The following PIGX variants were observed in gnomAD, a reference collection of about 807,000 sequenced individuals.
The protein encoded by PIGX is phosphatidylinositol glycan anchor biosynthesis class X.
A neutral mutation model predicts 28.7 loss-of-function variants in PIGX; 24 were observed. The ratio of observed to expected loss-of-function variants is 0.84; its 90% CI spans 0.60 to 1.17. The LOEUF (loss-of-function observed/expected upper bound fraction) is 1.17, where lower values mean the gene tolerates loss of function less well. PIGX is among the 50% of genes most tolerant of loss of function. The probability of loss-of-function intolerance (pLI) is 0.00; values close to 1 mark genes in which losing one functional copy is unlikely to be tolerated. For missense variants in PIGX, 305 were observed against 317.8 expected (o/e 0.96, Z 0.31); for synonymous variants, 127 against 121.0 (o/e 1.05, Z -0.33).
intron 3 of PIGX, among the ~76,000 whole-genome samples, chr3:196,723,185 A>G (rs550613847): frequency 6.6e-6 from 1 of 152,314 alleles, no homozygotes; most frequent in East Asian, 1.9e-4. Context: ...CTACAAAAAT[A>G]CAAAAATTAG....
Position 196,728,024 on chromosome 3 carries a change from C to A in PIGX, c.420C>A (p.Asp140Glu). ...CCAGACGAGATTCACAGTGCATTGA[C>A]TGTTTTCAAGCCTTTTTGCCTGTGC... Residue 140 changes from aspartate to glutamate, a missense_variant, in exon 4 of 6, where the codon GAC (aspartate) becomes GAA (glutamate). Transcript: ENST00000392391. 1 of 1,614,066 alleles carries A rather than the reference C, an allele frequency of 6.2e-7. No homozygotes were observed. The highest frequency in any genetic ancestry group is 2.2e-5 in the East Asian group (1 of 44,886).
At chr3:196,725,381 T>C (rs1712481766) in intron 3 of PIGX, among the ~76,000 whole-genome samples, 1 of 152,176 alleles carries the variant, frequency 6.6e-6, no homozygotes, top group Non-Finnish European at 1.5e-5. Flanking sequence ...AGGGCAGAGA[T>C]ATCCGAGAGA....
In PIGX at chr3:196,722,517, G is replaced by A. The variant is rs752310032; in HGVS notation, c.279G>A (p.Pro93=). The change falls in exon 3 of 6, where the codon CCG becomes CCA. Residue 93 remains proline, a synonymous_variant. Coordinates refer to ENST00000392391, the MANE Select transcript of PIGX (RefSeq NM_017861.4). The stretch of plus-strand genomic sequence containing the variant: ...TTCCTGCAGGACTTTATGTGGATCC[G>A]TATGAGTTGGCTTCATTACGAGAGA... 2.4e-5 allele frequency: 38 copies of A among 1,613,248 alleles called. No homozygotes were observed. Among genetic ancestry groups the A allele is most frequent in the East Asian group, 4.5e-5 (2 of 44,866 alleles).
chr3:196,721,170 T>C, intron 2 of PIGX: 1 of 380,692 alleles, frequency 2.6e-6, no homozygotes, highest in Non-Finnish European at 5.0e-6. Context: ...TCTCTTCTCT[T>C]TTTTAGGAAC....
At chr3:196,728,823 G>A in intron 4 of PIGX, 1 of 760,750 alleles carries the variant, frequency 1.3e-6, no homozygotes, top group Non-Finnish European at 2.4e-6. Context: ...GTTTCTTTTT[G>A]CAGCCATTGG....
Position 196,733,851 on chromosome 3 carries a change from C to T in PIGX, c.726C>T (p.Cys242=), listed in dbSNP as rs2108692960. Residue 242 remains cysteine, a synonymous_variant, in exon 6 of 6, where the codon TGC becomes TGT. Transcript: ENST00000392391. This position sits in a 1 kb window ranked among gnomAD's most constrained non-coding sequence, Gnocchi z 4.3. ...TGACTCTGCTCATTACAATCCTGTG[C>T]TCTACATTGATCCTTGTAGCAGTTT... 1 of 1,603,038 alleles carries T rather than the reference C, an allele frequency of 6.2e-7. No individual in the cohort carries two copies.
chr3:196,712,538 G>T lies in PIGX; in HGVS notation c.6G>T (p.Ala2=). The T allele has an allele frequency of 1.7e-6, 2 of 1,170,722 alleles. No homozygotes were observed. The highest frequency in any genetic ancestry group is 3.9e-5 in the East Asian group (1 of 25,728). The allele number at this position is 1,170,722 out of a possible 1,614,324, so 72.5% of individuals were successfully genotyped here. A position where few individuals can be genotyped will look rare whatever the true frequency, so the allele number is the denominator to read the frequency against. Residue 2 remains alanine, a synonymous_variant, in exon 1 of 6, where the codon GCG becomes GCT. Coordinates refer to ENST00000392391, the MANE Select transcript of PIGX (RefSeq NM_017861.4). ...GGCGTCCGGCTTCCGGCGTCCTGGC[G>T]GCTCGGGTGGCGGCGGTTCGGGCGG...
At chr3:196,718,099 A>G (rs7632005) in intron 2 of PIGX, 62,303 of 151,780 alleles carry the variant, frequency 0.41, 13,013 homozygotes, top group East Asian at 0.56. Context: ...TCACGAGGTC[A>G]CGAGTTCGAG....
chr3:196,725,952 A>G (rs1417038069), intron 3 of PIGX, among the ~76,000 whole-genome samples: 1 of 152,190 alleles, frequency 6.6e-6, no homozygotes, highest in Non-Finnish European at 1.5e-5. Context: ...GCTCAAGAAT[A>G]TGTATAGGGA....
At position 196,733,602 on chromosome 3, in the gene PIGX, G is replaced by A. The variant is rs758605718; in HGVS notation, c.634-157G>A. On this transcript the variant is annotated intron_variant, in intron 5 of 5. Coordinates refer to ENST00000392391, the MANE Select transcript of PIGX (RefSeq NM_017861.4). The surrounding 1 kb of genome is among the most constrained non-coding windows in gnomAD (Gnocchi z 4.3). The stretch of plus-strand genomic sequence containing the variant: ...AATTTTTGTATTTTTAGTAGAGATG[G>A]TTTAGTAGAGATGTTGGCCAGGCTG... Among the ~76,000 whole-genome samples, 45 of 152,028 alleles carry A rather than the reference G, an allele frequency of 3.0e-4. No homozygotes were observed. The highest frequency in any genetic ancestry group is 1.0e-3 in the Admixed American group (16 of 15,250).
chr3:196,733,757 A>G lies in PIGX; in HGVS notation c.634-2A>G. 1 of 1,589,388 alleles carries G rather than the reference A, an allele frequency of 6.3e-7. No individual in the cohort carries two copies. The highest frequency in any genetic ancestry group is 8.6e-7 in the Non-Finnish European group (1 of 1,157,844). On this transcript the variant is annotated splice_acceptor_variant, in intron 5 of 5. Transcript: ENST00000392391. LOFTEE classifies it high-confidence loss of function. This position sits in a 1 kb window ranked among gnomAD's most constrained non-coding sequence, Gnocchi z 4.3. ...GTCTAACTTCTCTCTCTCTCTCCAT[A>G]GGTATATAAGAATGTGATTCTACAA...
chr3:196,724,021 TG>T (rs1325053644), intron 3 of PIGX, among the ~76,000 whole-genome samples: 36 of 150,024 alleles, frequency 2.4e-4, no homozygotes, highest in Non-Finnish European at 4.1e-4. Flanking sequence ...TTTAATTTAA[TG>T]TTTTTTTTTT....
chr3:196,731,148 C>T (rs922956461), intron 5 of PIGX, 56 bp downstream of exon 5: 10 of 937,130 alleles, frequency 1.1e-5, no homozygotes, highest in Non-Finnish European at 1.7e-5. Context: ...AAAGCTCTTT[C>T]TGTAATGTTC....
At chr3:196,731,352 A>G (rs1712746398) in intron 5 of PIGX, among the ~76,000 whole-genome samples, 1 of 151,966 alleles carries the variant, frequency 6.6e-6, no homozygotes, top group African/African-American at 2.4e-5. Context: ...TAATTTTTGT[A>G]GTTTTGGTAG....
At chr3:196,728,468 T>C (rs1712613984) in intron 4 of PIGX, 1 of 595,318 alleles carries the variant, frequency 1.7e-6, no homozygotes. Flanking sequence ...TATATGTTTA[T>C]CATCCAGATG....
intron 3 of PIGX, among the ~76,000 whole-genome samples, chr3:196,723,307 C>T (rs1186064884): frequency 6.6e-6 from 1 of 152,174 alleles, no homozygotes; most frequent in East Asian, 1.9e-4. Context: ...CATCATTGCA[C>T]TCCAGCCTGG....
rs1712939529 is a variant in PIGX at position 196,734,674 on chromosome 3, T to TA, written c.*775dup. 1 of 152,232 alleles carries TA rather than the reference T, an allele frequency of 6.6e-6. No homozygotes were observed. The highest frequency in any genetic ancestry group is 6.5e-5 in the Admixed American group (1 of 15,288). The allele number at this position is 152,232 out of a possible 1,614,324, so 9.4% of individuals were successfully genotyped here. On this transcript the variant is annotated 3_prime_UTR_variant, in exon 6 of 6. Transcript: ENST00000392391. ...GTGCCAGAGTTTCAATGAAAATCAT[T>TA]AAAGTAGGACAGCTAAGAAATTAAT...
chr3:196,717,076 G>A (rs35314545), intron 2 of PIGX, among the ~76,000 whole-genome samples, 155 bp downstream of exon 2: 28,314 of 151,956 alleles, frequency 0.19, 2,862 homozygotes, highest in Non-Finnish European at 0.22. Flanking sequence ...CGAGGCAGGC[G>A]GATCACAAGG....
At chr3:196,719,358 C>G (rs954049638) in intron 2 of PIGX, among the ~76,000 whole-genome samples, 2 of 151,506 alleles carry the variant, frequency 1.3e-5, no homozygotes, top group African/African-American at 2.4e-5. Flanking sequence ...ACTTTAAGTT[C>G]TAGGGTACAT....
Sources: allele counts gnomAD v4.1 joint callset (sites outside exome capture counted in the v4.1 genomes callset), GRCh38; gene constraint gnomAD v4.1.1; non-coding constraint Gnocchi (gnomAD v3.1); transcripts MANE v1.5; gene names NCBI Gene and HGNC (gene_info 2026-07-23, HGNC 2026-07-21).